Variants in TDRD10 observed in about 807,000 individuals in gnomAD.
The protein encoded by TDRD10 is tudor domain containing 10.
TDRD10 carries 40 observed loss-of-function variants against 48.0 expected under a neutral mutation model. That is an observed-to-expected ratio of 0.83 (90% CI 0.65 to 1.09). The LOEUF (loss-of-function observed/expected upper bound fraction) is 1.09, where lower values mean the gene tolerates loss of function less well. TDRD10 is among the 50% of genes least tolerant of loss of function. The pLI is 0.00. For missense variants in TDRD10, 378 were observed against 434.7 expected, an observed-to-expected ratio of 0.87 and a Z score of 1.16; for synonymous variants, 162 against 170.4, an observed-to-expected ratio of 0.95 and a Z score of 0.38.
intron 6 of TDRD10, among the ~76,000 whole-genome samples, chr1:154,535,961 A>T (rs9427415): frequency 0.12 from 18,466 of 152,216 alleles, 1,402 homozygotes; most frequent in South Asian, 0.18. Context: ...TGGCAGGAAG[A>T]AAAATGTAAA....
intron 6 of TDRD10, among the ~76,000 whole-genome samples, chr1:154,532,273 C>T (rs1453103956): frequency 6.6e-6 from 1 of 152,212 alleles, no homozygotes; most frequent in African/African-American, 2.4e-5. Flanking sequence ...AGAAATCAAG[C>T]GCAGCACCAG....
intron 1 of TDRD10, among the ~76,000 whole-genome samples, chr1:154,504,000 A>C (rs1692998913): frequency 6.6e-6 from 1 of 152,206 alleles, no homozygotes; most frequent in Non-Finnish European, 1.5e-5. Context: ...CATCACCCCC[A>C]AAAGAAATCT....
At chr1:154,532,362 C>T (rs919635048) in intron 6 of TDRD10, among the ~76,000 whole-genome samples, 10 of 152,300 alleles carry the variant, frequency 6.6e-5, no homozygotes, top group Admixed American at 3.3e-4. Context: ...TGCCCGGGGC[C>T]GCTCTGAGTG....
At chr1:154,523,085 C>T (rs548147195) in intron 6 of TDRD10, among the ~76,000 whole-genome samples, 1 of 152,114 alleles carries the variant, frequency 6.6e-6, no homozygotes, top group African/African-American at 2.4e-5. Context: ...TATATTTTTT[C>T]GATAGAGACA....
At chr1:154,522,004 C>G (rs10908843) in intron 6 of TDRD10, among the ~76,000 whole-genome samples, 76,889 of 152,088 alleles carry the variant, frequency 0.51, 22,578 homozygotes, top group East Asian at 0.76. Flanking sequence ...GAGGAGGGCC[C>G]ATTCTCCGTA....
chr1:154,516,819 T>G (rs922617502), intron 4 of TDRD10, among the ~76,000 whole-genome samples: 23 of 152,108 alleles, frequency 1.5e-4, no homozygotes, highest in African/African-American at 5.1e-4. Flanking sequence ...TGGTGGCACA[T>G]GCCTGTAATC....
chr1:154,521,989 A>G (rs745360823), intron 6 of TDRD10, among the ~76,000 whole-genome samples: 1 of 152,196 alleles, frequency 6.6e-6, no homozygotes, highest in Non-Finnish European at 1.5e-5. Flanking sequence ...AGCTTCCCTC[A>G]AAAGGAGGAG....
At chr1:154,506,741 A>T in intron 1 of TDRD10, 136 bp from the exon 2 acceptor site, 1 of 728,530 alleles carries the variant, frequency 1.4e-6, no homozygotes, top group Non-Finnish European at 2.4e-6. Flanking sequence ...TAATACATTC[A>T]TAGGTTCTAG....
At position 154,544,883 on chromosome 1, in the gene TDRD10, C is replaced by T. The variant is rs906755090; in HGVS notation, c.886C>T (p.Arg296Cys). 9.9e-6 allele frequency: 16 copies of T among 1,614,192 alleles called. No homozygotes were observed. The highest frequency in any genetic ancestry group is 2.2e-5 in the East Asian group (1 of 44,892). The change falls in exon 11 of 13, where the codon CGC becomes TGC. Residue 296 changes from arginine to cysteine, a missense_variant. Arg to Cys is a radical substitution (Grantham distance 180). This residue lies in a region of TDRD10 where 68 missense variants were observed against 111.1 expected (regional missense o/e 0.61). Coordinates refer to ENST00000368482, the MANE Select transcript of TDRD10 (RefSeq NM_182499.4). ...QLATIPVQSLRSLDSDDFWTI... is the reference protein window; with the variant it reads ...QLATIPVQSLCSLDSDDFWTI... ...GGCCACCATCCCTGTGCAGTCTCTG[C>T]GCAGCCTAGACAGCGACGACTTCTG...
chr1:154,514,465 AG>A (rs1017883308), intron 4 of TDRD10, among the ~76,000 whole-genome samples: 3 of 152,106 alleles, frequency 2.0e-5, no homozygotes, highest in African/African-American at 7.2e-5. Context: ...GTGGAAAGAC[AG>A]GGGAAACACA....
intron 8 of TDRD10, among the ~76,000 whole-genome samples, chr1:154,543,710 C>T (rs1025842758): frequency 2.6e-5 from 4 of 152,172 alleles, no homozygotes; most frequent in Non-Finnish European, 5.9e-5. Flanking sequence ...TTGTTTCCCT[C>T]TGCTGCTTCC....
chr1:154,547,446 C>T lies in TDRD10; in HGVS notation c.990C>T (p.Leu330=). Residue 330 remains leucine (L), a synonymous_variant, in exon 12 of 13, where the codon CTC becomes CTT. Transcript: ENST00000368482. The part of the protein sequence containing the change: ...LSSYEVVHRI[L]KGKITGALNS... The stretch of plus-strand genomic sequence containing the variant: ...CGTATGAGGTTGTCCATCGAATCCT[C>T]AAAGGGAAAATCACTGGTGCTTTGA... The T allele has an allele frequency of 5.6e-6, 9 of 1,614,204 alleles. No individual in the cohort carries two copies. Among genetic ancestry groups the T allele is most frequent in the Non-Finnish European group, 7.6e-6 (9 of 1,180,036 alleles).
chr1:154,547,749 C>G lies in TDRD10; in HGVS notation c.*39C>G, dbSNP rs371107142. ...AGCATGTTCCCTCTCCTGTTTGCCA[C>G]GGATCCAGAGGCCACCTGCCCTGTC... On this transcript the variant is annotated 3_prime_UTR_variant, in exon 13 of 13. Transcript: ENST00000368482. 17 of 1,611,546 alleles carry G rather than the reference C, an allele frequency of 1.1e-5. No individual in the cohort carries two copies. The highest frequency in any genetic ancestry group is 2.1e-4 in the Middle Eastern group (1 of 4,740).
chr1:154,507,129 G>A, intron 2 of TDRD10, 112 bp from the exon 3 acceptor site: 1 of 1,549,294 alleles, frequency 6.5e-7, no homozygotes, highest in South Asian at 1.2e-5. Context: ...GAAGCCTTTG[G>A]TCAGGAAGGG....
intron 6 of TDRD10, among the ~76,000 whole-genome samples, 172 bp downstream of exon 6, chr1:154,521,651 G>A (rs1694067567): frequency 6.6e-6 from 1 of 152,178 alleles, no homozygotes; most frequent in Non-Finnish European, 1.5e-5. Context: ...TCAGAGGTAA[G>A]GTCAGATGTG....
chr1:154,516,994 C>A (rs1456882236), intron 4 of TDRD10, among the ~76,000 whole-genome samples: 1 of 151,902 alleles, frequency 6.6e-6, no homozygotes, highest in African/African-American at 2.4e-5. Flanking sequence ...TGGGACAGGA[C>A]GGCTAGGAGA....
At chr1:154,521,230 A>G (rs1694034730) in intron 5 of TDRD10, 93 bp from the exon 6 acceptor site, 1 of 1,261,298 alleles carries the variant, frequency 7.9e-7, no homozygotes, top group Non-Finnish European at 1.1e-6. Flanking sequence ...GAGAAAGGAC[A>G]CTGGCCTTCC....
At position 154,520,287 on chromosome 1, in the gene TDRD10, A is replaced by G. The variant is rs377122090; in HGVS notation, c.142-17A>G. On this transcript the variant is annotated splice_polypyrimidine_tract_variant and intron_variant, in intron 4 of 12. Transcript: ENST00000368482. ...TTATGTCTCTGGGTCTCTCTCTTTT[A>G]AACCCTGCTGTTGTAGGAGGAAATT... 14 of 1,600,014 alleles carry G rather than the reference A, an allele frequency of 8.7e-6. No homozygotes were observed. Among genetic ancestry groups the G allele is most frequent in the Non-Finnish European group, 8.6e-7 (1 of 1,167,332 alleles).
chr1:154,534,597 G>C (rs978878677), intron 6 of TDRD10: 1 of 152,230 alleles, frequency 6.6e-6, no homozygotes, highest in Non-Finnish European at 1.5e-5. Context: ...CACTGTTTTC[G>C]TACAAAGGTC....
Sources: gnomAD v4.1 joint callset for allele counts (sites outside exome capture counted in the v4.1 genomes callset) on GRCh38, gnomAD v4.1.1 for gene constraint, gnomAD v4.1.1 regional missense constraint, MANE v1.5 for transcripts, NCBI Gene and HGNC (gene_info 2026-07-23, HGNC 2026-07-21) for gene names.